PRKN: variants seen among roughly 807,000 people sequenced by gnomAD.
The protein encoded by PRKN is parkin RBR E3 ubiquitin protein ligase, also known as E3 ubiquitin-protein ligase parkin.
A neutral mutation model predicts 59.5 loss-of-function variants in PRKN; 56 were observed. The ratio of observed to expected loss-of-function variants is 0.94; its 90% CI spans 0.76 to 1.18. The LOEUF (loss-of-function observed/expected upper bound fraction) is 1.18. Ranked by LOEUF, PRKN falls within the 50% of genes most tolerant of loss-of-function variation. The pLI is 0.00. For synonymous variants in PRKN, 250 were observed against 222.1 expected (o/e 1.13, Z -1.12); for missense variants, 657 against 596.4 (o/e 1.10, Z -1.06).
At chr6:162,086,787 A>G (rs1329159066) in intron 4 of PRKN, among the ~76,000 whole-genome samples, 1 of 152,196 alleles carries the variant, frequency 6.6e-6, no homozygotes, top group Admixed American at 6.5e-5. Flanking sequence ...TGCATTAATT[A>G]TAGGACATTT....
intron 6 of PRKN, among the ~76,000 whole-genome samples, chr6:161,951,237 A>G (rs993906360): frequency 1.3e-5 from 2 of 152,142 alleles, no homozygotes; most frequent in African/African-American, 4.8e-5. Context: ...GGGAACTCCA[A>G]GTCTGCCTTA....
Position 161,423,196 on chromosome 6 carries a change from C to T in PRKN, c.1084-36319G>A, listed in dbSNP as rs945503622. Among the ~76,000 whole-genome samples the T allele has an allele frequency of 2.0e-5, 3 of 152,086 alleles. No individual in the cohort carries two copies. Among genetic ancestry groups the T allele is most frequent in the Admixed American group, 2.0e-4 (3 of 15,244 alleles). On this transcript the variant is annotated intron_variant, in intron 9 of 11. Coordinates refer to ENST00000366898, the MANE Select transcript of PRKN (RefSeq NM_004562.3). The surrounding 1 kb of genome is among the most constrained non-coding windows in gnomAD (Gnocchi z 5.9). ...CAGCCTTGCATGGGTTTGGTTGGGA[C>T]GTCCTCATCTGAGAAGACGTGGCCC...
At chr6:162,445,747 A>C (rs1790285983) in intron 1 of PRKN, among the ~76,000 whole-genome samples, 1 of 144,894 alleles carries the variant, frequency 6.9e-6, no homozygotes. Flanking sequence ...TCTATCCCTC[A>C]TGATTAAAAA....
chr6:162,169,906 G>A (rs940677268), intron 4 of PRKN, among the ~76,000 whole-genome samples: 1 of 152,108 alleles, frequency 6.6e-6, no homozygotes, highest in African/African-American at 2.4e-5. Context: ...AAAATAGGTG[G>A]GGATGACATT....
intron 5 of PRKN, among the ~76,000 whole-genome samples, chr6:161,975,362 G>T (rs1385910805): frequency 6.6e-6 from 1 of 152,246 alleles, no homozygotes; most frequent in East Asian, 1.9e-4. Flanking sequence ...GATTACAGGT[G>T]TGAGCCTGTA....
intron 8 of PRKN, among the ~76,000 whole-genome samples, chr6:161,557,310 C>T (rs1444351345): frequency 6.6e-6 from 1 of 152,094 alleles, no homozygotes; most frequent in Non-Finnish European, 1.5e-5. Context: ...TTTCAATAAA[C>T]TCGTATTTTA....
At chr6:161,736,318 C>T (rs1372369663) in intron 7 of PRKN, among the ~76,000 whole-genome samples, 2 of 152,264 alleles carry the variant, frequency 1.3e-5, no homozygotes, top group Non-Finnish European at 2.9e-5. Context: ...ATTATGTAAC[C>T]TCTCTGTACT....
intron 1 of PRKN, among the ~76,000 whole-genome samples, chr6:162,567,903 G>A (rs1780148339): frequency 6.6e-6 from 1 of 152,112 alleles, no homozygotes; most frequent in African/African-American, 2.4e-5. Flanking sequence ...GCATGGTACT[G>A]GCATAAAAAC....
chr6:162,051,496 C>T (rs562718119), intron 5 of PRKN, among the ~76,000 whole-genome samples: 5 of 152,300 alleles, frequency 3.3e-5, no homozygotes, highest in East Asian at 3.9e-4. Flanking sequence ...CACGCGCCTC[C>T]GCATCCTCGT....
intron 2 of PRKN, chr6:162,275,290 A>T (rs952399645): frequency 4.2e-5 from 6 of 141,704 alleles, no homozygotes; most frequent in Admixed American, 1.4e-4. Context: ...TGATCTTTTA[A>T]TATTATCACT....
At chr6:162,560,853 C>CAAAAAAAAAAAAAAAAAA (rs60391138) in intron 1 of PRKN, among the ~76,000 whole-genome samples, 2 of 56,494 alleles carry the variant, frequency 3.5e-5, no homozygotes, top group Non-Finnish European at 6.1e-5. Flanking sequence ...GAGAGAGAGG[C>CAAAAAAAAAAAAAAAAAA]AAAAAAAAAA....
chr6:162,166,864 C>G (rs1313293264), intron 4 of PRKN, among the ~76,000 whole-genome samples: 1 of 152,102 alleles, frequency 6.6e-6, no homozygotes. Context: ...AGACTGTGCC[C>G]TAATTGTCCC....
chr6:162,042,732 T>C (rs1257022962), intron 5 of PRKN, among the ~76,000 whole-genome samples: 2 of 152,186 alleles, frequency 1.3e-5, no homozygotes, highest in East Asian at 3.9e-4. Context: ...CTCTAAAGTG[T>C]CTTCATATAT....
At chr6:161,830,825 T>C (rs1376152635) in intron 6 of PRKN, among the ~76,000 whole-genome samples, 1 of 152,168 alleles carries the variant, frequency 6.6e-6, no homozygotes, top group East Asian at 1.9e-4. Flanking sequence ...CTCCTTAGCA[T>C]GGGATTCTGT....
At chr6:161,901,461 A>C (rs1318363398) in intron 6 of PRKN, among the ~76,000 whole-genome samples, 6 of 152,218 alleles carry the variant, frequency 3.9e-5, no homozygotes, top group African/African-American at 1.4e-4. Flanking sequence ...CATTTTCCTC[A>C]TGTCCAAATA....
At chr6:162,289,167 G>A (rs1781319986) in intron 2 of PRKN, among the ~76,000 whole-genome samples, 1 of 152,154 alleles carries the variant, frequency 6.6e-6, no homozygotes, top group African/African-American at 2.4e-5. Context: ...TCCTTCTGAG[G>A]GCTGGGAGAG....
intron 2 of PRKN, among the ~76,000 whole-genome samples, chr6:162,400,035 C>T (rs1208859402): frequency 6.6e-6 from 1 of 152,022 alleles, no homozygotes; most frequent in African/African-American, 2.4e-5. Flanking sequence ...GGTGAAACCC[C>T]ATCTGTACTG....
In PRKN at chr6:162,224,698, T is replaced by C. The variant is rs552044101; in HGVS notation, c.413-23446A>G. On this transcript the variant is annotated intron_variant, in intron 3 of 11. Coordinates refer to ENST00000366898, the MANE Select transcript of PRKN (RefSeq NM_004562.3). ...TCTTGAGGGAAGTAGGCCTGGGGAATTGGATGCTGCTGCATCCTCTTTCTG... is the reference window on the plus strand; with the variant it reads ...TCTTGAGGGAAGTAGGCCTGGGGAACTGGATGCTGCTGCATCCTCTTTCTG... 2.2e-3 allele frequency among the ~76,000 whole-genome samples: 338 copies of C among 152,238 alleles called. 5 individuals are homozygous for C. The highest frequency in any genetic ancestry group is 2.9e-3 in the Non-Finnish European group (197 of 68,014).
At chr6:161,802,980 G>A (rs1287248552) in intron 6 of PRKN, among the ~76,000 whole-genome samples, 3 of 152,116 alleles carry the variant, frequency 2.0e-5, no homozygotes, top group Admixed American at 6.5e-5. Flanking sequence ...TGAGAAGGGT[G>A]TTCTGATCTC....
Sources: allele counts gnomAD v4.1 joint callset (sites outside exome capture counted in the v4.1 genomes callset), GRCh38; gene constraint gnomAD v4.1.1; non-coding constraint Gnocchi (gnomAD v3.1); transcripts MANE v1.5; gene names NCBI Gene and HGNC (gene_info 2026-07-23, HGNC 2026-07-21).